PCDHA8: variants seen among roughly 807,000 people sequenced by gnomAD.
The protein encoded by PCDHA8 is protocadherin alpha-8.
A neutral mutation model predicts 61.8 loss-of-function variants in PCDHA8; 53 were observed. That is an observed-to-expected ratio of 0.86 (90% confidence interval 0.69 to 1.08). The LOEUF (loss-of-function observed/expected upper bound fraction) is 1.08. Among genes scored for constraint, PCDHA8 ranks in the 50% least tolerant of loss-of-function variants. The pLI, the probability that PCDHA8 is intolerant of heterozygous loss-of-function variation, is 0.00. For missense variants in PCDHA8, 1,293 were observed against 1,245.0 expected (o/e 1.04, Z -0.58); for synonymous variants, 618 against 556.6 (o/e 1.11, Z -1.55).
chr5:140,882,119 T>C, intron 1 of PCDHA8: 1 of 1,438,056 alleles, frequency 7.0e-7, no homozygotes, highest in South Asian at 1.4e-5. Context: ...AGCCGCCGTT[T>C]CTTTCTTCCT....
intron 3 of PCDHA8, among the ~76,000 whole-genome samples, chr5:140,986,707 A>G (rs2097210304): frequency 6.6e-6 from 1 of 152,186 alleles, no homozygotes; most frequent in Admixed American, 6.5e-5. Flanking sequence ...AGCACTGCAG[A>G]AGATAACATT....
At chr5:140,846,712 C>T (rs1014332332) in intron 1 of PCDHA8, among the ~76,000 whole-genome samples, 3 of 149,228 alleles carry the variant, frequency 2.0e-5, no homozygotes, top group Non-Finnish European at 4.5e-5. Flanking sequence ...ATTGTAATAA[C>T]CAGTCTTCAT....
In PCDHA8 at chr5:140,903,474, C is replaced by T. The variant is rs1257250947; in HGVS notation, c.2394+59759C>T. Among the ~76,000 whole-genome samples, 4 of 152,106 alleles carry T rather than the reference C, an allele frequency of 2.6e-5. No homozygotes were observed. In the East Asian group the frequency reaches 7.7e-4, roughly 29 times the overall value. The stretch of plus-strand genomic sequence containing the variant: ...ATCAAACTTAAAATATTATTCCTTG[C>T]ATTATAGTTCTGAGCAGGTACCATA... On this transcript the variant is annotated intron_variant, in intron 1 of 3. Transcript: ENST00000531613.
At chr5:140,990,007 C>T (rs1188956345) in intron 3 of PCDHA8, among the ~76,000 whole-genome samples, 2 of 151,870 alleles carry the variant, frequency 1.3e-5, no homozygotes, top group African/African-American at 2.4e-5. Flanking sequence ...TCTCCAAGGG[C>T]GTGGGCTAGG....
chr5:140,994,473 C>T (rs1199561805), intron 3 of PCDHA8, among the ~76,000 whole-genome samples: 2 of 152,038 alleles, frequency 1.3e-5, no homozygotes, highest in Admixed American at 6.5e-5. Flanking sequence ...GAGGCTGAGG[C>T]GGGTGGATTG....
chr5:140,921,471 A>G (rs2080231314), intron 1 of PCDHA8, among the ~76,000 whole-genome samples: 1 of 152,182 alleles, frequency 6.6e-6, no homozygotes, highest in Non-Finnish European at 1.5e-5. Context: ...ACCACTACCA[A>G]ACCACTCTAC....
chr5:140,914,944 CTT>C (rs35695909), intron 1 of PCDHA8, among the ~76,000 whole-genome samples: 2,964 of 128,208 alleles, frequency 0.023, 99 homozygotes, highest in African/African-American at 0.077. Flanking sequence ...GAAAAGTTGT[CTT>C]TTTTTTTTTT....
chr5:140,992,584 T>C (rs1327367703), intron 3 of PCDHA8, among the ~76,000 whole-genome samples: 1 of 152,194 alleles, frequency 6.6e-6, no homozygotes, highest in Non-Finnish European at 1.5e-5. Context: ...CTGCCTTGTA[T>C]GCATCTAGCG....
chr5:140,968,063 G>A, intron 1 of PCDHA8: 1 of 1,614,096 alleles, frequency 6.2e-7, no homozygotes. Flanking sequence ...AGAGCGGGTG[G>A]CTGTCTACAA....
At chr5:140,869,788 T>C (rs782425741) in intron 1 of PCDHA8, 4 of 1,612,892 alleles carry the variant, frequency 2.5e-6, no homozygotes, top group African/African-American at 1.3e-5. Context: ...CGTTCGGCTG[T>C]TAGTCCAAGT....
intron 1 of PCDHA8, chr5:140,867,855 G>T (rs1340065029): frequency 6.6e-6 from 1 of 151,976 alleles, no homozygotes; most frequent in African/African-American, 2.4e-5. Context: ...TAGTTGAATT[G>T]TTTGATTAAT....
chr5:140,887,074 G>T (rs1554182860), intron 1 of PCDHA8, among the ~76,000 whole-genome samples: 2 of 151,506 alleles, frequency 1.3e-5, no homozygotes, highest in Non-Finnish European at 2.9e-5. Flanking sequence ...AATTCACTCA[G>T]CTTTTGTCTG....
At chr5:140,844,047 C>T (rs2150368498) in intron 1 of PCDHA8, among the ~76,000 whole-genome samples, 3 of 149,604 alleles carry the variant, frequency 2.0e-5, no homozygotes, top group East Asian at 1.9e-4. Context: ...TGAAAGTATT[C>T]CCCCAAAGCG....
chr5:140,944,276 A>C (rs2093633258), intron 1 of PCDHA8, among the ~76,000 whole-genome samples: 1 of 152,002 alleles, frequency 6.6e-6, no homozygotes, highest in Non-Finnish European at 1.5e-5. Flanking sequence ...CAGCCTTGAC[A>C]CCCCGGGCTC....
intron 1 of PCDHA8, among the ~76,000 whole-genome samples, chr5:140,978,185 G>C (rs1177844558): frequency 1.3e-5 from 2 of 152,168 alleles, no homozygotes; most frequent in East Asian, 3.8e-4. Context: ...GAGGGCAACA[G>C]ATCTTTTCAA....
intron 1 of PCDHA8, among the ~76,000 whole-genome samples, chr5:140,887,453 T>C (rs2061454477): frequency 6.6e-6 from 1 of 152,178 alleles, no homozygotes; most frequent in Non-Finnish European, 1.5e-5. Flanking sequence ...TGACAGTTTT[T>C]TAAAAGATAT....
intron 1 of PCDHA8, among the ~76,000 whole-genome samples, chr5:140,888,383 C>T (rs1279773489): frequency 3.9e-5 from 6 of 152,170 alleles, no homozygotes; most frequent in African/African-American, 1.4e-4. Flanking sequence ...CTCTGAGATG[C>T]TGCTAAACAC....
intron 1 of PCDHA8, among the ~76,000 whole-genome samples, chr5:140,894,005 G>A (rs1365314012): frequency 6.6e-6 from 1 of 152,072 alleles, no homozygotes; most frequent in Non-Finnish European, 1.5e-5. Context: ...TGTATGGTTG[G>A]TTCAAATTAC....
At chr5:140,864,895 G>T (rs1212830646) in intron 1 of PCDHA8, 1 of 152,160 alleles carries the variant, frequency 6.6e-6, no homozygotes, top group African/African-American at 2.4e-5. Context: ...AAGCTGCATG[G>T]TCTTCAGAAT....
Sources: allele counts gnomAD v4.1 joint callset (sites outside exome capture counted in the v4.1 genomes callset), GRCh38; gene constraint gnomAD v4.1.1; transcripts MANE v1.5; gene names NCBI Gene and HGNC (gene_info 2026-07-23, HGNC 2026-07-21).